Variants in TTC3 observed in about 807,000 individuals in gnomAD.
The protein encoded by TTC3 is tetratricopeptide repeat domain 3.
In TTC3, 180 loss-of-function variants were observed where a neutral mutation model predicts 249.6. The observed-to-expected ratio is 0.72, with a 90% CI of 0.64 to 0.82. The LOEUF (loss-of-function observed/expected upper bound fraction) is 0.82, where lower values mean the gene tolerates loss of function less well. Among genes scored for constraint, TTC3 ranks in the 40% least tolerant of loss-of-function variants. The pLI, the probability that TTC3 is intolerant of heterozygous loss-of-function variation, is 0.00. For missense variants in TTC3, 2,061 were observed against 2,398.4 expected (o/e 0.86, Z 2.94); for synonymous variants, 717 against 805.0 (o/e 0.89, Z 1.85).
intron 27 of TTC3, among the ~76,000 whole-genome samples, chr21:37,156,333 G>C (rs927270235): frequency 2.0e-5 from 3 of 151,886 alleles, no homozygotes; most frequent in Non-Finnish European, 4.4e-5. Context: ...CACCATACCT[G>C]GCCTCATTGT....
At chr21:37,087,321 C>T (rs1257872353) in exon 2 of TTC3, 1 of 1,613,960 alleles carries the variant, frequency 6.2e-7, no homozygotes, top group Non-Finnish European at 8.5e-7. Context: ...AGATTGCCCT[C>T]ACGTGGATGA....
intron 11 of TTC3, among the ~76,000 whole-genome samples, chr21:37,118,232 A>G (rs2076316844): frequency 6.6e-6 from 1 of 152,202 alleles, no homozygotes; most frequent in African/African-American, 2.4e-5. Context: ...TTTAGAATTA[A>G]TTATGAGCCT....
At chr21:37,079,618 G>GCCT (rs1199568123) in intron 1 of TTC3, among the ~76,000 whole-genome samples, 1 of 140,644 alleles carries the variant, frequency 7.1e-6, no homozygotes. Flanking sequence ...TGCAACCTCT[G>GCCT]CCTCCTGAGT....
At position 37,187,123 on chromosome 21, in the gene TTC3, A is replaced by G. The variant is rs758691740; in HGVS notation, c.4901A>G (p.His1634Arg). The stretch of plus-strand genomic sequence containing the variant: ...GGGAAAGAGGATTATGAAGAGAGTC[A>G]TCAGAGAGCTGTGGCTGCAGAGGTG... Residue 1634 changes from histidine (H) to arginine (R), a missense_variant, in exon 38 of 46, where the codon CAT becomes CGT. Coordinates refer to ENST00000355666, the Ensembl canonical transcript of TTC3. 2 of 1,580,026 alleles carry G rather than the reference A, an allele frequency of 1.3e-6. No homozygotes were observed. The highest frequency in any genetic ancestry group is 1.7e-6 in the Non-Finnish European group (2 of 1,170,044).
chr21:37,190,418 G>A (rs2083924883), intron 39 of TTC3, among the ~76,000 whole-genome samples: 1 of 152,048 alleles, frequency 6.6e-6, no homozygotes, highest in Non-Finnish European at 1.5e-5. Context: ...ACAGGTGTGA[G>A]CCACCATGCC....
At chr21:37,107,081 T>G (rs1042305940) in intron 10 of TTC3, among the ~76,000 whole-genome samples, 14 of 152,084 alleles carry the variant, frequency 9.2e-5, no homozygotes, top group African/African-American at 3.1e-4. Context: ...AGTTGGTTTT[T>G]TTTTTTTTTT....
intron 16 of TTC3, among the ~76,000 whole-genome samples, chr21:37,129,518 C>CT (rs908007351): frequency 1.2e-4 from 18 of 152,312 alleles, no homozygotes; most frequent in African/African-American, 4.3e-4. Flanking sequence ...TTCAGATGCC[C>CT]TTTTGAGTAA....
At chr21:37,155,289 A>G (rs1276623533) in intron 27 of TTC3, among the ~76,000 whole-genome samples, 4 of 110 alleles carry the variant, frequency 0.036, no homozygotes, top group African/African-American at 0.11. Context: ...TGAAGGGAGG[A>G]AAGGAGGAAA....
chr21:37,156,833 A>T, exon 28 of TTC3: 1 of 1,614,098 alleles, frequency 6.2e-7, no homozygotes, highest in Non-Finnish European at 8.5e-7. Flanking sequence ...GTTGTTTAAT[A>T]TGGCTGCTAG....
intron 22 of TTC3, among the ~76,000 whole-genome samples, 160 bp downstream of exon 22, chr21:37,147,763 C>T (rs1172945566): frequency 6.6e-6 from 1 of 150,960 alleles, no homozygotes; most frequent in Admixed American, 6.6e-5. Flanking sequence ...AAGTCTCACT[C>T]TGTCACCCAG....
At chr21:37,089,082 T>G (rs1196818318) in intron 5 of TTC3, among the ~76,000 whole-genome samples, 196 bp downstream of exon 5, 1 of 152,238 alleles carries the variant, frequency 6.6e-6, no homozygotes, top group African/African-American at 2.4e-5. Context: ...ATGTCATGGT[T>G]CTACGCTGGG....
chr21:37,148,683 T>C (rs1204781264), intron 23 of TTC3, 36 bp downstream of exon 23: 1 of 1,402,514 alleles, frequency 7.1e-7, no homozygotes. Flanking sequence ...TTTTTCAGTA[T>C]ACTTATTGTA....
chr21:37,156,568 A>G, intron 27 of TTC3, 87 bp from the exon 28 acceptor site: 1 of 1,489,260 alleles, frequency 6.7e-7, no homozygotes, highest in Admixed American at 2.2e-5. Flanking sequence ...AACTATAATC[A>G]GCTGCTTTCA....
At chr21:37,080,079 T>G (rs2187101) in intron 1 of TTC3, among the ~76,000 whole-genome samples, 2,181 of 151,904 alleles carry the variant, frequency 0.014, 126 homozygotes, top group Admixed American at 0.11. Context: ...TACTATTTTT[T>G]TCACTTAAAT....
At chr21:37,191,705 A>G (rs1241726580) in intron 40 of TTC3, among the ~76,000 whole-genome samples, 1 of 152,098 alleles carries the variant, frequency 6.6e-6, no homozygotes, top group African/African-American at 2.4e-5. Context: ...CAGCCCCCCA[A>G]GTAGCTGGGA....
At chr21:37,149,926 G>A (rs765278327) in intron 23 of TTC3, 152 bp from the exon 24 acceptor site, 9 of 579,382 alleles carry the variant, frequency 1.6e-5, no homozygotes, top group Admixed American at 9.6e-5. Context: ...CTTAAAATTC[G>A]CATGGCAGTG....
At chr21:37,126,055 TA>T (rs2077021514) in intron 14 of TTC3, 24 bp from the exon 15 acceptor site, 1 of 1,573,780 alleles carries the variant, frequency 6.4e-7, no homozygotes, top group Non-Finnish European at 8.6e-7. Flanking sequence ...TTTTTTTTTT[TA>T]AGTCTCACTA....
chr21:37,077,937 A>C (rs1185745025), intron 1 of TTC3, among the ~76,000 whole-genome samples: 1 of 152,196 alleles, frequency 6.6e-6, no homozygotes, highest in African/African-American at 2.4e-5. Context: ...TTATAAAGAC[A>C]TTCCTCTGTT....
At chr21:37,166,216 A>G (rs377383435) in exon 33 of TTC3, 3 of 1,614,076 alleles carry the variant, frequency 1.9e-6, no homozygotes, top group African/African-American at 1.3e-5. Context: ...CACCGCCAGC[A>G]TACATAAACG....
Sources: gnomAD v4.1 joint callset for allele counts (sites outside exome capture counted in the v4.1 genomes callset) on GRCh38, gnomAD v4.1.1 for gene constraint, MANE v1.5 for transcripts, NCBI Gene and HGNC (gene_info 2026-07-23, HGNC 2026-07-21) for gene names.